The following CHEK1 variants were observed in gnomAD, a reference collection of about 807,000 sequenced individuals.
CHEK1 encodes checkpoint kinase 1.
CHEK1 carries 32 observed loss-of-function variants against 60.2 expected under a neutral mutation model. That is an observed-to-expected ratio of 0.53 (90% CI 0.40 to 0.71). CHEK1 has a LOEUF of 0.71. Ranked by LOEUF, CHEK1 falls within the 30% of genes least tolerant of loss-of-function variation. CHEK1 has a pLI of 0.00. For missense variants in CHEK1, 399 were observed against 564.6 expected (o/e 0.71, Z 2.97); for synonymous variants, 179 against 187.2 (o/e 0.96, Z 0.36).
chr11:125,677,859 G>T (rs958470071), downstream of CHEK1: 3 of 1,614,044 alleles, frequency 1.9e-6, no homozygotes, highest in Admixed American at 5.0e-5. Flanking sequence ...CTCACCTGAA[G>T]GCTGTTCACC....
downstream of CHEK1, among the ~76,000 whole-genome samples, chr11:125,659,670 G>A (rs1182080621): frequency 6.6e-6 from 1 of 152,008 alleles, no homozygotes; most frequent in Non-Finnish European, 1.5e-5. Flanking sequence ...TTTGGGAATT[G>A]TTTTTATTTA....
intron 8 of CHEK1, among the ~76,000 whole-genome samples, chr11:125,641,164 G>C (rs141766384): frequency 4.5e-4 from 68 of 152,212 alleles, no homozygotes; most frequent in African/African-American, 1.4e-3. Context: ...GTGGATAAGG[G>C]GGGTACTACT....
At chr11:125,637,358 G>A (rs1259662858) in intron 7 of CHEK1, 91 bp from the exon 8 acceptor site, 5 of 861,532 alleles carry the variant, frequency 5.8e-6, no homozygotes, top group Non-Finnish European at 7.0e-6. Flanking sequence ...TTAGACATAA[G>A]TAGGCTAACA....
intron 8 of CHEK1, among the ~76,000 whole-genome samples, chr11:125,642,037 C>G (rs202049619): frequency 6.5e-5 from 9 of 138,146 alleles, no homozygotes; most frequent in South Asian, 4.5e-4. Context: ...TATTGTTGTT[C>G]TTCTTATTGT....
chr11:125,680,914 G>A (rs1038040393), downstream of CHEK1: 5 of 740,010 alleles, frequency 6.8e-6, no homozygotes, highest in Non-Finnish European at 1.1e-5. Flanking sequence ...AGTAACCCAT[G>A]TTTCTTCACA....
intron 13 of CHEK1, chr11:125,672,033 T>A (rs557793445): frequency 1.3e-5 from 2 of 152,536 alleles, no homozygotes; most frequent in Admixed American, 1.3e-4. Context: ...AGTGGACTAC[T>A]GAAGACTAGA....
At chr11:125,628,038 A>G (rs1180500407) in intron 3 of CHEK1, among the ~76,000 whole-genome samples, 1 of 152,210 alleles carries the variant, frequency 6.6e-6, no homozygotes, top group Non-Finnish European at 1.5e-5. Context: ...TTCCCAAGTT[A>G]TATAAGTGAT....
chr11:125,660,752 CAAAAAA>C (rs57658252), downstream of CHEK1, among the ~76,000 whole-genome samples: 15 of 140,456 alleles, frequency 1.1e-4, no homozygotes, highest in Non-Finnish European at 2.3e-4. Context: ...GATTTATTAA[CAAAAAA>C]AAAAAAGAAA....
At chr11:125,644,379 T>A (rs541725) in intron 10 of CHEK1, 111 bp downstream of exon 10, 439,918 of 1,450,682 alleles carry the variant, frequency 0.3, 67,856 homozygotes, top group East Asian at 0.41. Flanking sequence ...TCACATGTAT[T>A]CTTTTTTGGT....
In CHEK1 at chr11:125,657,062, T is replaced by G. The variant is rs1352764643; in HGVS notation, c.*1742T>G. On this transcript the variant is annotated 3_prime_UTR_variant, in exon 13 of 13. Coordinates refer to ENST00000438015, the MANE Select transcript of CHEK1 (RefSeq NM_001114122.3). ...TTCTGTAAATAATAAGTTGCCTTAA[T>G]TTTCCTGTAATGTTCATTATATTGT... is the stretch of plus-strand genomic sequence containing the variant. The G allele has an allele frequency of 1.6e-5, 3 of 183,668 alleles. No homozygotes were observed. The highest frequency in any genetic ancestry group is 2.3e-5 in the African/African-American group (1 of 42,586). The allele number at this position is 183,668 out of a possible 1,614,324, so 11.4% of individuals were successfully genotyped here.
At chr11:125,664,534 C>T (rs760717490) in intron 13 of CHEK1, among the ~76,000 whole-genome samples, 3 of 151,940 alleles carry the variant, frequency 2.0e-5, no homozygotes, top group Non-Finnish European at 4.4e-5. Flanking sequence ...CATGCCTGGC[C>T]GAACATTTTT....
At chr11:125,668,127 A>G (rs1942131107) in intron 13 of CHEK1, among the ~76,000 whole-genome samples, 1 of 152,160 alleles carries the variant, frequency 6.6e-6, no homozygotes, top group Non-Finnish European at 1.5e-5. Flanking sequence ...ATATAACACT[A>G]TTGTCTAGTT....
At chr11:125,654,737 T>G (rs1941853831) in intron 12 of CHEK1, among the ~76,000 whole-genome samples, 1 of 152,220 alleles carries the variant, frequency 6.6e-6, no homozygotes, top group African/African-American at 2.4e-5. Context: ...CGCAGTACTC[T>G]TTGTATTAGA....
intron 13 of CHEK1, chr11:125,672,630 A>G: frequency 1.9e-6 from 3 of 1,614,146 alleles, no homozygotes; most frequent in Non-Finnish European, 1.7e-6. Context: ...TCGACAGCAT[A>G]TAATTTGCAT....
chr11:125,643,797 A>T lies in CHEK1; in HGVS notation c.820A>T (p.Lys274Ter), dbSNP rs1382274821. The part of the protein sequence containing the change: ...WYNKPLKKGA[K>*]RPRVTSGGVS... ...GTATTTGTTTTCTTTTTTAGGGGCA[A>T]AAAGGCCCCGAGTCACTTCAGGTGG... Residue 274 changes from lysine to a stop codon, truncating the protein, a stop_gained, in exon 9 of 13, where the codon AAA (lysine) becomes TAA (stop). Coordinates refer to ENST00000438015, the MANE Select transcript of CHEK1 (RefSeq NM_001114122.3). LOFTEE classifies it high-confidence loss of function. 6.2e-7 allele frequency: 1 copy of T among 1,610,814 alleles called. No homozygotes were observed.
Position 125,625,850 on chromosome 11 carries a change from A to T in CHEK1, c.-183A>T. ...GCGGGAGCGGCAACATCTCCACGTC[A>T]CCCTTTTGGAGCCGCCGACATTCAG... On this transcript the variant is annotated 5_prime_UTR_variant, in exon 1 of 13. Transcript: ENST00000438015. The T allele has an allele frequency of 1.4e-6, 1 of 702,488 alleles. No homozygotes were observed. The highest frequency in any genetic ancestry group is 2.6e-6 in the Non-Finnish European group (1 of 384,966). The allele number at this position is 702,488 out of a possible 1,614,324, so 43.5% of individuals were successfully genotyped here. A position where few individuals can be genotyped will look rare whatever the true frequency, so the allele number is the denominator to read the frequency against.
At chr11:125,631,184 A>G (rs928370064) in intron 5 of CHEK1, among the ~76,000 whole-genome samples, 4 of 152,316 alleles carry the variant, frequency 2.6e-5, no homozygotes, top group Admixed American at 2.0e-4. Context: ...TTTCAAAGGA[A>G]ATAGAGCATT....
intron 8 of CHEK1, chr11:125,643,117 TC>T (rs1293280462): frequency 1.3e-5 from 2 of 152,118 alleles, no homozygotes. Flanking sequence ...TTTAAAAAGT[TC>T]TAGTCCTTTA....
At chr11:125,639,382 C>CTTTTTTTTTTTT (rs367756024) in intron 8 of CHEK1, among the ~76,000 whole-genome samples, 3 of 106,378 alleles carry the variant, frequency 2.8e-5, no homozygotes, top group Non-Finnish European at 3.6e-5. Flanking sequence ...ATACTTTTCT[C>CTTTTTTTTTTTT]TTTTTTTTTT....
Sources: gnomAD v4.1 joint callset for allele counts (sites outside exome capture counted in the v4.1 genomes callset) on GRCh38, gnomAD v4.1.1 for gene constraint, MANE v1.5 for transcripts, NCBI Gene and HGNC (gene_info 2026-07-23, HGNC 2026-07-21) for gene names.